Variants in DRC10 observed in about 807,000 individuals in gnomAD.
The protein encoded by DRC10 is IQ domain-containing protein D.
At chr12:113,200,619 C>G in the DRC10 span, 1 of 1,536,148 alleles carries the variant, frequency 6.5e-7, no homozygotes, top group East Asian at 2.4e-5. Flanking sequence ...TCTCCATGAC[C>G]AGGTTGTAAA....
chr12:113,210,692 A>G, the DRC10 span, among the ~76,000 whole-genome samples: 1 of 103,114 alleles, frequency 9.7e-6, no homozygotes, highest in Non-Finnish European at 2.0e-5. Flanking sequence ...GACACCCCCC[A>G]TAACATCCCC....
chr12:113,207,795 T>G, the DRC10 span: 1 of 1,614,182 alleles, frequency 6.2e-7, no homozygotes, highest in Non-Finnish European at 8.5e-7. Context: ...TGAGCCACCC[T>G]TCCTCCTCAG....
chr12:113,215,239 C>T, the DRC10 span, among the ~76,000 whole-genome samples: 1 of 152,188 alleles, frequency 6.6e-6, no homozygotes, highest in Admixed American at 6.5e-5. Context: ...TCCAGTGTCT[C>T]ACCACTTCCT....
At chr12:113,200,723 G>C in the DRC10 span, 1 of 1,536,190 alleles carries the variant, frequency 6.5e-7, no homozygotes, top group Non-Finnish European at 8.7e-7. Context: ...TCAGCCTCCT[G>C]CTTAGTGCGA....
the DRC10 span, chr12:113,220,881 A>G: frequency 3.8e-6 from 1 of 264,534 alleles, no homozygotes; most frequent in Non-Finnish European, 7.9e-6. Flanking sequence ...AGGGTCCTGA[A>G]GCTGAGACGA....
the DRC10 span, among the ~76,000 whole-genome samples, chr12:113,215,091 G>A: frequency 1.3e-5 from 2 of 152,222 alleles, no homozygotes; most frequent in African/African-American, 2.4e-5. Flanking sequence ...CCCCGGGACA[G>A]ATTTCTATGT....
chr12:113,210,858 G>A, the DRC10 span, among the ~76,000 whole-genome samples: 1 of 152,094 alleles, frequency 6.6e-6, no homozygotes, highest in Non-Finnish European at 1.5e-5. Context: ...AAAGCTGTAA[G>A]TTACTACTTA....
chr12:113,197,506 A>G, the DRC10 span: 4 of 1,422,232 alleles, frequency 2.8e-6, no homozygotes, highest in Non-Finnish European at 2.9e-6. Flanking sequence ...GTCTTGGGAA[A>G]AGCATGCGAG....
the DRC10 span, chr12:113,208,413 G>A: frequency 7.8e-7 from 1 of 1,278,870 alleles, no homozygotes; most frequent in Non-Finnish European, 1.0e-6. Flanking sequence ...TTTCAGCTTT[G>A]TGAGGGTGTT....
At chr12:113,206,067 A>C in the DRC10 span, 1 of 150,812 alleles carries the variant, frequency 6.6e-6, no homozygotes, top group Admixed American at 6.6e-5. Context: ...ATACAAAAAA[A>C]AAATTAGCTG....
the DRC10 span, among the ~76,000 whole-genome samples, chr12:113,212,892 T>C: frequency 2.0e-5 from 3 of 152,176 alleles, no homozygotes; most frequent in Non-Finnish European, 4.4e-5. Flanking sequence ...GTGAAGCAAA[T>C]TGTTAATGGA....
chr12:113,196,291 C>T, the DRC10 span, among the ~76,000 whole-genome samples: 1 of 152,136 alleles, frequency 6.6e-6, no homozygotes, highest in Non-Finnish European at 1.5e-5. Context: ...GACATGATGC[C>T]AGGCACACAG....
At chr12:113,202,105 C>T in the DRC10 span, among the ~76,000 whole-genome samples, 1 of 152,240 alleles carries the variant, frequency 6.6e-6, no homozygotes, top group African/African-American at 2.4e-5. Context: ...GCCCCTCCCA[C>T]CTTACTAGTA....
chr12:113,203,122 C>T, the DRC10 span: 970 of 423,632 alleles, frequency 2.3e-3, 12 homozygotes, highest in African/African-American at 0.018. Flanking sequence ...GCCTTCTGGG[C>T]GCAAGTGATC....
chr12:113,199,437 T>G, the DRC10 span, among the ~76,000 whole-genome samples: 4 of 150,446 alleles, frequency 2.7e-5, no homozygotes, highest in Admixed American at 1.3e-4. Context: ...AACCCCCTAA[T>G]CCTACAGAGC....
chr12:113,204,847 T>C, the DRC10 span, among the ~76,000 whole-genome samples: 3 of 152,040 alleles, frequency 2.0e-5, no homozygotes, highest in Non-Finnish European at 4.4e-5. Context: ...AAGAATCACT[T>C]GAACCTGGGA....
the DRC10 span, among the ~76,000 whole-genome samples, chr12:113,203,357 G>A: frequency 6.6e-6 from 1 of 151,970 alleles, no homozygotes; most frequent in Non-Finnish European, 1.5e-5. Flanking sequence ...AACTGGTGTG[G>A]TATGCCTATA....
the DRC10 span, chr12:113,195,922 C>T: frequency 1.3e-6 from 2 of 1,561,104 alleles, no homozygotes; most frequent in Non-Finnish European, 8.7e-7. Flanking sequence ...GGTCACCACA[C>T]ATAGAGTGCC....
the DRC10 span, among the ~76,000 whole-genome samples, chr12:113,211,874 T>A: frequency 6.6e-6 from 1 of 151,738 alleles, no homozygotes; most frequent in African/African-American, 2.4e-5. Context: ...AAGATCAGCA[T>A]GGGCAACAAA....
Sources: gnomAD v4.1 joint callset for allele counts (sites outside exome capture counted in the v4.1 genomes callset) on GRCh38, gnomAD v4.1.1 for gene constraint, MANE v1.5 for transcripts, NCBI Gene and HGNC (gene_info 2026-07-23, HGNC 2026-07-21) for gene names.